The following APP variants were observed in gnomAD, a reference collection of about 807,000 sequenced individuals.
The protein encoded by APP is amyloid-beta precursor protein.
Under a neutral mutation model 101.4 loss-of-function variants are expected in APP, and 31 were observed. The ratio of observed to expected loss-of-function variants is 0.31; its 90% CI spans 0.23 to 0.41. APP has a LOEUF of 0.41. Among genes scored for constraint, APP ranks in the 10% least tolerant of loss-of-function variants. The probability of loss-of-function intolerance (pLI) is 1.00; values close to 1 mark genes in which losing one functional copy is unlikely to be tolerated. For synonymous variants in APP, 366 were observed against 364.4 expected (o/e 1.00, Z -0.05); for missense variants, 839 against 1,003.7 (o/e 0.84, Z 2.22).
chr21:26,109,454 C>T (rs981786826), intron 2 of APP, among the ~76,000 whole-genome samples: 47 of 152,316 alleles, frequency 3.1e-4, no homozygotes, highest in African/African-American at 1.1e-3. Context: ...GAACATGTGT[C>T]TTCTTCCCCT....
At chr21:25,974,400 G>A (rs1254021771) in intron 11 of APP, among the ~76,000 whole-genome samples, 1 of 152,142 alleles carries the variant, frequency 6.6e-6, no homozygotes, top group Non-Finnish European at 1.5e-5. Context: ...ATTTGAGGGT[G>A]AAAGCTTTGG....
At chr21:25,917,788 A>G (rs1337833877) in intron 13 of APP, among the ~76,000 whole-genome samples, 1 of 152,182 alleles carries the variant, frequency 6.6e-6, no homozygotes, top group Non-Finnish European at 1.5e-5. Flanking sequence ...AAGGTCTAAT[A>G]TCCAGAATCT....
At chr21:25,976,100 T>G in intron 9 of APP, 72 bp from the exon 10 acceptor site, 1 of 1,256,772 alleles carries the variant, frequency 8.0e-7, no homozygotes, top group Non-Finnish European at 1.2e-6. Flanking sequence ...ATAGGATGGA[T>G]GATTATGTTT....
At chr21:25,983,011 A>G (rs1251190664) in intron 8 of APP, among the ~76,000 whole-genome samples, 1 of 152,076 alleles carries the variant, frequency 6.6e-6, no homozygotes, top group Non-Finnish European at 1.5e-5. Context: ...GAAACACGAC[A>G]AAAGATATAT....
chr21:26,111,976 T>C lies in APP; in HGVS notation c.225+3A>G, dbSNP rs1366927580. 1 of 1,614,056 alleles carries C rather than the reference T, an allele frequency of 6.2e-7. No homozygotes were observed. Among genetic ancestry groups the C allele is most frequent in the Non-Finnish European group, 8.5e-7 (1 of 1,179,964 alleles). On this transcript the variant is annotated splice_donor_region_variant and intron_variant, in intron 2 of 17. Transcript: ENST00000346798. ...GAATTGCTAGCCACCGGACAGGACTTACTTCTTGGCAATACTGCAGGATGC... is the reference window on the plus strand; with the variant it reads ...GAATTGCTAGCCACCGGACAGGACTCACTTCTTGGCAATACTGCAGGATGC...
Position 26,139,144 on chromosome 21 carries a change from GAAATAAGT to G in APP, c.58-27006_58-26999del, listed in dbSNP as rs985747627. On this transcript the variant is annotated intron_variant, in intron 1 of 17. Coordinates refer to ENST00000346798, the MANE Select transcript of APP (RefSeq NM_000484.4). ...TGATGCAACATTACGTAAGGGATGA[GAAATAAGT>G]AAATAAGTAAAAAAAAATAAGTAAA... Among the ~76,000 whole-genome samples, 14 of 152,080 alleles carry G rather than the reference GAAATAAGT, an allele frequency of 9.2e-5. 1 individual carries two copies. In the South Asian group the frequency reaches 1.7e-3, roughly 18 times the overall value.
At chr21:26,070,214 C>T (rs766415211) in intron 3 of APP, among the ~76,000 whole-genome samples, 10 of 152,174 alleles carry the variant, frequency 6.6e-5, no homozygotes, top group East Asian at 1.9e-4. Context: ...TGTTCAAACA[C>T]GGATAGACCC....
intron 1 of APP, among the ~76,000 whole-genome samples, chr21:26,124,047 C>T (rs1020137135): frequency 9.2e-5 from 14 of 151,534 alleles, no homozygotes; most frequent in Non-Finnish European, 1.6e-4. Flanking sequence ...GGGTTATTCC[C>T]TACTCTTTAG....
chr21:26,024,877 GC>G (rs2044501358), intron 5 of APP, among the ~76,000 whole-genome samples: 1 of 152,218 alleles, frequency 6.6e-6, no homozygotes, highest in African/African-American at 2.4e-5. Context: ...AAGAAGTTTA[GC>G]ATGTGGCTAA....
At chr21:25,975,260 C>A in intron 10 of APP, 32 bp from the exon 11 acceptor site, 1 of 1,614,014 alleles carries the variant, frequency 6.2e-7, no homozygotes, top group Non-Finnish European at 8.5e-7. Context: ...TCCATGGGGA[C>A]TGAATAAGTA....
chr21:26,053,132 A>T, intron 4 of APP, 104 bp downstream of exon 4: 2 of 894,584 alleles, frequency 2.2e-6, no homozygotes. Flanking sequence ...TTTCTTAAAT[A>T]ACTTATCAAC....
At chr21:26,102,111 G>A (rs1426019391) in intron 2 of APP, among the ~76,000 whole-genome samples, 3 of 422 alleles carry the variant, frequency 7.1e-3, no homozygotes, top group Admixed American at 0.032. Context: ...TTTTGGAGCC[G>A]GAGTCTCGCT....
At chr21:26,010,775 T>C (rs140541884) in intron 6 of APP, among the ~76,000 whole-genome samples, 31 of 133,468 alleles carry the variant, frequency 2.3e-4, no homozygotes, top group South Asian at 4.7e-4. Flanking sequence ...GAGCCAAGAC[T>C]GTGCCACTGC....
chr21:25,978,762 G>A (rs2042314687), intron 9 of APP, among the ~76,000 whole-genome samples: 1 of 152,148 alleles, frequency 6.6e-6, no homozygotes, highest in Non-Finnish European at 1.5e-5. Flanking sequence ...GACCATCCTG[G>A]CCAACATGGT....
intron 2 of APP, among the ~76,000 whole-genome samples, chr21:26,092,272 G>T (rs1032693158): frequency 4.6e-5 from 7 of 152,202 alleles, no homozygotes; most frequent in Middle Eastern, 3.4e-3. Context: ...TAAAAAATAA[G>T]GTACTGTGAA....
At chr21:25,957,593 T>C (rs1239427062) in intron 11 of APP, among the ~76,000 whole-genome samples, 2 of 152,206 alleles carry the variant, frequency 1.3e-5, no homozygotes, top group African/African-American at 4.8e-5. Context: ...TGTTCCTTCC[T>C]GGCCTTCATG....
intron 1 of APP, among the ~76,000 whole-genome samples, chr21:26,131,187 C>A (rs2062787427): frequency 6.6e-6 from 1 of 151,986 alleles, no homozygotes; most frequent in African/African-American, 2.4e-5. Context: ...CAAGATCGCA[C>A]CACTGCACTC....
intron 5 of APP, among the ~76,000 whole-genome samples, chr21:26,032,528 G>A (rs1056788355): frequency 6.6e-6 from 1 of 152,060 alleles, no homozygotes; most frequent in African/African-American, 2.4e-5. Context: ...CACTTAGGCT[G>A]CTGTGACTTG....
intron 11 of APP, among the ~76,000 whole-genome samples, chr21:25,959,964 A>G (rs2041505411): frequency 6.6e-6 from 1 of 152,212 alleles, no homozygotes; most frequent in Admixed American, 6.5e-5. Context: ...AGAGTTTGAT[A>G]ATAATGTTCC....
Sources: gnomAD v4.1 joint callset for allele counts (sites outside exome capture counted in the v4.1 genomes callset) on GRCh38, gnomAD v4.1.1 for gene constraint, MANE v1.5 for transcripts, NCBI Gene and HGNC (gene_info 2026-07-23, HGNC 2026-07-21) for gene names.